Variants in SPIN1 observed in about 807,000 individuals in gnomAD.
SPIN1 encodes the protein spindlin 1.
In SPIN1, 3 loss-of-function variants were observed where a neutral mutation model predicts 26.0. The ratio of observed to expected loss-of-function variants is 0.12; its 90% confidence interval spans 0.05 to 0.30. SPIN1 has a LOEUF of 0.30. Among genes scored for constraint, SPIN1 ranks in the 10% least tolerant of loss-of-function variants. The probability of loss-of-function intolerance (pLI) is 1.00; values close to 1 mark genes in which losing one functional copy is unlikely to be tolerated. For synonymous variants in SPIN1, 101 were observed against 116.5 expected (o/e 0.87, Z 0.86); for missense variants, 126 against 333.4 (o/e 0.38, Z 4.84).
At chr9:88,432,435 A>G (rs11142297) in intron 2 of SPIN1, among the ~76,000 whole-genome samples, 44,685 of 145,714 alleles carry the variant, frequency 0.31, 11,834 homozygotes, top group African/African-American at 0.72. Flanking sequence ...TGATCCATCC[A>G]CTTCTGCCTC....
chr9:88,472,139 C>T (rs952791285), intron 5 of SPIN1, among the ~76,000 whole-genome samples: 2 of 152,074 alleles, frequency 1.3e-5, no homozygotes, highest in Non-Finnish European at 2.9e-5. Flanking sequence ...TATTCTGGGT[C>T]CCTTGCAATT....
Position 88,468,370 on chromosome 9 carries a change from A to G in SPIN1, c.356-2A>G. 1.3e-6 allele frequency: 2 copies of G among 1,514,516 alleles called. No homozygotes were observed. Among genetic ancestry groups the G allele is most frequent in the Non-Finnish European group, 1.8e-6 (2 of 1,126,824 alleles). The allele number at this position is 1,514,516 out of a possible 1,614,324, so 93.8% of individuals were successfully genotyped here. A position where few individuals can be genotyped will look rare whatever the true frequency, so the allele number is the denominator to read the frequency against. The stretch of plus-strand genomic sequence containing the variant: ...CTTTTTTTTTTTTTTTTTAATCCCC[A>G]GCGACATCTCGAATCAGCGATGCAC... On this transcript the variant is annotated splice_acceptor_variant, in intron 4 of 5. Transcript: ENST00000375859. LOFTEE classifies it high-confidence loss of function.
intron 3 of SPIN1, among the ~76,000 whole-genome samples, chr9:88,450,818 A>C (rs1367304184): frequency 1.3e-5 from 2 of 152,212 alleles, no homozygotes; most frequent in African/African-American, 2.4e-5. Flanking sequence ...AGGCTGAAAC[A>C]GAAGTTTCCA....
intron 1 of SPIN1, among the ~76,000 whole-genome samples, chr9:88,413,636 CCT>C (rs1827501777): frequency 6.6e-6 from 1 of 151,922 alleles, no homozygotes; most frequent in African/African-American, 2.4e-5. Context: ...GCCTTGGCCT[CCT>C]AACATGTTGG....
intron 1 of SPIN1, among the ~76,000 whole-genome samples, chr9:88,417,453 G>GTTA (rs1389342251): frequency 2.0e-5 from 3 of 151,986 alleles, no homozygotes; most frequent in Admixed American, 6.6e-5. Flanking sequence ...GCAAGTCCAG[G>GTTA]TTATTTATTT....
At chr9:88,411,502 G>T in intron 1 of SPIN1, 1 of 809,408 alleles carries the variant, frequency 1.2e-6, no homozygotes. Flanking sequence ...ATGCTTCAGC[G>T]TCATCCATGG....
At chr9:88,456,892 A>G (rs1000372594) in intron 3 of SPIN1, among the ~76,000 whole-genome samples, 2 of 152,250 alleles carry the variant, frequency 1.3e-5, no homozygotes, top group African/African-American at 4.8e-5. Flanking sequence ...ACTTATCTTC[A>G]GATATCAGAA....
At chr9:88,412,633 T>G (rs1420282997) in intron 1 of SPIN1, among the ~76,000 whole-genome samples, 1 of 152,150 alleles carries the variant, frequency 6.6e-6, no homozygotes, top group Non-Finnish European at 1.5e-5. Context: ...ATATTTAAGT[T>G]ATACAAATAT....
chr9:88,420,915 C>T (rs563697257), intron 1 of SPIN1, among the ~76,000 whole-genome samples: 1 of 152,264 alleles, frequency 6.6e-6, no homozygotes, highest in East Asian at 1.9e-4. Flanking sequence ...TTTGTTTCTG[C>T]TTTCTTCAGG....
chr9:88,396,403 G>A (rs553209813), intron 1 of SPIN1, among the ~76,000 whole-genome samples: 1 of 151,560 alleles, frequency 6.6e-6, no homozygotes, highest in South Asian at 2.1e-4. Context: ...GGAGTTTGAG[G>A]CCAGCCTGGC....
intron 3 of SPIN1, among the ~76,000 whole-genome samples, chr9:88,455,320 G>A (rs1460904405): frequency 1.3e-5 from 2 of 152,276 alleles, no homozygotes; most frequent in East Asian, 3.9e-4. Flanking sequence ...GCCAGGCGTG[G>A]TGGCACATGC....
At chr9:88,422,735 G>A (rs1032575251) in intron 1 of SPIN1, among the ~76,000 whole-genome samples, 1 of 148,082 alleles carries the variant, frequency 6.8e-6, no homozygotes, top group Non-Finnish European at 1.5e-5. Flanking sequence ...TTGAAATGAA[G>A]TCTTGCTCTT....
chr9:88,400,848 A>G (rs1827171351), intron 1 of SPIN1, among the ~76,000 whole-genome samples: 1 of 143,082 alleles, frequency 7.0e-6, no homozygotes, highest in African/African-American at 2.7e-5. Flanking sequence ...CCGCCTCAAA[A>G]AAAAAAAAAA....
intron 1 of SPIN1, among the ~76,000 whole-genome samples, chr9:88,424,912 C>G (rs1388505679): frequency 2.6e-5 from 4 of 152,030 alleles, no homozygotes; most frequent in Non-Finnish European, 4.4e-5. Flanking sequence ...TAATCTTCAA[C>G]AAATGAGTGC....
intron 1 of SPIN1, among the ~76,000 whole-genome samples, chr9:88,394,494 C>T (rs367778301): frequency 3.3e-5 from 5 of 152,308 alleles, no homozygotes; most frequent in African/African-American, 1.2e-4. Flanking sequence ...AATTTAACAT[C>T]ACAGAGTTTT....
At chr9:88,410,188 T>TGTGCGC (rs4029765) in intron 1 of SPIN1, among the ~76,000 whole-genome samples, 10 of 142,874 alleles carry the variant, frequency 7.0e-5, no homozygotes, top group African/African-American at 2.6e-4. Context: ...TGTGTGTGTG[T>TGTGCGC]GCAACTTTTT....
chr9:88,416,628 T>G (rs535514326), intron 1 of SPIN1: 1 of 152,378 alleles, frequency 6.6e-6, no homozygotes, highest in East Asian at 1.9e-4. Flanking sequence ...TTCTTTTTCT[T>G]TCTTTATTTT....
At chr9:88,440,965 G>A (rs550546356) in intron 2 of SPIN1, among the ~76,000 whole-genome samples, 1 of 150,444 alleles carries the variant, frequency 6.6e-6, no homozygotes, top group African/African-American at 2.5e-5. Context: ...AGCCTACTTC[G>A]AAATAATAAT....
At chr9:88,426,625 A>G (rs1315706377) in intron 2 of SPIN1, 34 bp downstream of exon 2, 10 of 1,547,168 alleles carry the variant, frequency 6.5e-6, no homozygotes, top group Admixed American at 1.9e-5. Context: ...ATTTAAATAT[A>G]TACTTTAATA....
Sources: gnomAD v4.1 joint callset for allele counts (sites outside exome capture counted in the v4.1 genomes callset) on GRCh38, gnomAD v4.1.1 for gene constraint, MANE v1.5 for transcripts, NCBI Gene and HGNC (gene_info 2026-07-23, HGNC 2026-07-21) for gene names.